ISY1: variants seen among roughly 807,000 people sequenced by gnomAD.
ISY1 encodes the protein ISY1 spliceosome associated protein, also known as pre-mRNA-splicing factor ISY1 homolog.
Under a neutral mutation model 54.4 loss-of-function variants are expected in ISY1, and 12 were observed. That is an observed-to-expected ratio of 0.22 (90% CI 0.14 to 0.36). ISY1 has a LOEUF of 0.36. Ranked by LOEUF, ISY1 falls within the 10% of genes least tolerant of loss-of-function variation. The pLI is 1.00. For missense variants in ISY1, 282 were observed against 342.2 expected (o/e 0.82, Z 1.39); for synonymous variants, 96 against 117.9 (o/e 0.81, Z 1.20).
chr3:129,152,732 T>C (rs1234109345), intron 5 of ISY1, among the ~76,000 whole-genome samples: 2 of 152,154 alleles, frequency 1.3e-5, no homozygotes, highest in Non-Finnish European at 1.5e-5. Context: ...GATATGCTAA[T>C]GTTTCATTAA....
At chr3:129,146,103 T>C (rs1481274101) in intron 5 of ISY1, among the ~76,000 whole-genome samples, 1 of 152,120 alleles carries the variant, frequency 6.6e-6, no homozygotes, top group African/African-American at 2.4e-5. Context: ...GAAAATAACT[T>C]CATTCTCATT....
rs1436609609 is a variant in ISY1, at chr3:129,128,218, G to A, written c.*1863C>T. ...GGCCCAAGCTGGGTGCTGGGTCCCA[G>A]AGGCGAGTCTGCCTTGCTGCCTCCA... is the stretch of plus-strand genomic sequence containing the variant. On this transcript the variant is annotated 3_prime_UTR_variant, in exon 11 of 11. Transcript: ENST00000393295. The A allele has an allele frequency of 3.3e-5, 5 of 153,204 alleles. No homozygotes were observed. Among genetic ancestry groups the A allele is most frequent in the African/African-American group, 9.6e-5 (4 of 41,452 alleles). 9.5% of individuals were successfully genotyped at this position (153,204 alleles called of 1,614,324 possible). A position where few individuals can be genotyped will look rare whatever the true frequency, so the allele number is the denominator to read the frequency against.
chr3:129,157,824 T>C (rs781118804), intron 3 of ISY1, among the ~76,000 whole-genome samples: 5 of 151,490 alleles, frequency 3.3e-5, no homozygotes, highest in Non-Finnish European at 5.9e-5. Flanking sequence ...GGGGAGGTAT[T>C]GGAATTCAAG....
chr3:129,144,796 T>C (rs1330150715), intron 6 of ISY1, among the ~76,000 whole-genome samples: 1 of 152,146 alleles, frequency 6.6e-6, no homozygotes, highest in Non-Finnish European at 1.5e-5. Context: ...AGTATTGCAT[T>C]TATAGAAGTC....
At chr3:129,137,773 G>C (rs993357001) in intron 7 of ISY1, among the ~76,000 whole-genome samples, 1 of 147,156 alleles carries the variant, frequency 6.8e-6, no homozygotes, top group Non-Finnish European at 1.5e-5. Context: ...TTTGCCGGGC[G>C]TGGTGGCGGT....
intron 5 of ISY1, among the ~76,000 whole-genome samples, chr3:129,149,973 CAAA>C (rs200338338): frequency 1.1e-4 from 10 of 90,766 alleles, no homozygotes; most frequent in Admixed American, 2.4e-4. Context: ...GGCTCTATCT[CAAA>C]AAAAAAAAAA....
intron 5 of ISY1, among the ~76,000 whole-genome samples, chr3:129,156,398 CAAA>C (rs11437245): frequency 8.7e-6 from 1 of 115,304 alleles, no homozygotes; most frequent in Non-Finnish European, 1.7e-5. Context: ...GACTCTGTCT[CAAA>C]AAAAAAAAAA....
At chr3:129,146,754 A>AT (rs940904960) in intron 5 of ISY1, among the ~76,000 whole-genome samples, 7 of 152,126 alleles carry the variant, frequency 4.6e-5, no homozygotes, top group East Asian at 1.9e-4. Flanking sequence ...TGGATAGTCT[A>AT]TTTTTTTAAA....
rs373453202 is a variant in ISY1, at chr3:129,146,041, G to C, written c.188-168C>G. Among the ~76,000 whole-genome samples the C allele has an allele frequency of 1.1e-4, 16 of 151,430 alleles. No homozygotes were observed. In the East Asian group the frequency reaches 2.7e-3, roughly 26 times the overall value. ...AGAAAAACCACCCAAATAAATGAAA[G>C]GACAAGAATTATAAACAGAGTTCCC... On this transcript the variant is annotated intron_variant, in intron 5 of 10. Transcript: ENST00000393295.
At chr3:129,139,584 AAAG>A (rs1425087964) in intron 7 of ISY1, among the ~76,000 whole-genome samples, 2 of 151,680 alleles carry the variant, frequency 1.3e-5, no homozygotes, top group East Asian at 1.9e-4. Flanking sequence ...GGTTTGGCTG[AAAG>A]AAGGAGGAAA....
chr3:129,132,110 G>T (rs1165889551), intron 9 of ISY1, among the ~76,000 whole-genome samples: 1 of 152,098 alleles, frequency 6.6e-6, no homozygotes, highest in Non-Finnish European at 1.5e-5. Flanking sequence ...GATTACAGGT[G>T]TGACCACCAC....
chr3:129,153,763 G>C (rs1937045676), intron 5 of ISY1, among the ~76,000 whole-genome samples: 1 of 152,076 alleles, frequency 6.6e-6, no homozygotes, highest in Non-Finnish European at 1.5e-5. Flanking sequence ...TCCAGTGTGG[G>C]CAACAGAGCA....
At chr3:129,137,247 T>C in intron 7 of ISY1, 2 of 985,648 alleles carry the variant, frequency 2.0e-6, no homozygotes, top group Non-Finnish European at 2.4e-6. Flanking sequence ...ACCAAACAGA[T>C]AATAATGGTT....
chr3:129,158,138 C>A (rs1217101959), intron 3 of ISY1, among the ~76,000 whole-genome samples: 1 of 151,142 alleles, frequency 6.6e-6, no homozygotes, highest in Admixed American at 6.6e-5. Context: ...GGATTACAGG[C>A]GTGAGTCACT....
Position 129,160,957 on chromosome 3 carries a change from C to T in ISY1, c.3+16G>A. 2.6e-6 allele frequency: 4 copies of T among 1,532,538 alleles called. No individual in the cohort carries two copies. Among genetic ancestry groups the T allele is most frequent in the Non-Finnish European group, 3.5e-6 (4 of 1,136,180 alleles). 94.9% of individuals were successfully genotyped at this position (1,532,538 alleles called of 1,614,324 possible). The stretch of plus-strand genomic sequence containing the variant: ...CCGCCCATCCACTCGCTCCCTCACC[C>T]GCCCACCCTACTCACCATGGTGTCG... On this transcript the variant is annotated intron_variant, in intron 1 of 10. Transcript: ENST00000393295.
At chr3:129,160,395 GAAGA>G (rs1169756681) in intron 1 of ISY1, among the ~76,000 whole-genome samples, 2 of 151,860 alleles carry the variant, frequency 1.3e-5, no homozygotes, top group African/African-American at 2.4e-5. Context: ...TTGAAGAAAT[GAAGA>G]AACCAACAAA....
At chr3:129,147,198 G>C (rs1438627041) in intron 5 of ISY1, among the ~76,000 whole-genome samples, 1 of 151,940 alleles carries the variant, frequency 6.6e-6, no homozygotes, top group East Asian at 1.9e-4. Flanking sequence ...CAACATGGGG[G>C]AGTCCTTGTC....
chr3:129,133,923 TA>T, intron 9 of ISY1, 150 bp downstream of exon 9: 1 of 1,379,574 alleles, frequency 7.2e-7, no homozygotes, highest in Non-Finnish European at 9.8e-7. Context: ...AACCCTCCTG[TA>T]ATCTCGCAAG....
intron 3 of ISY1, 120 bp downstream of exon 3, chr3:129,158,388 G>GACTC: frequency 7.3e-7 from 1 of 1,376,354 alleles, no homozygotes; most frequent in Non-Finnish European, 1.0e-6. Context: ...CAAACTCCTA[G>GACTC]ACTCAAGTGA....
Sources: allele counts gnomAD v4.1 joint callset (sites outside exome capture counted in the v4.1 genomes callset), GRCh38; gene constraint gnomAD v4.1.1; transcripts MANE v1.5; gene names NCBI Gene and HGNC (gene_info 2026-07-23, HGNC 2026-07-21).